The following ADAM23 variants were observed in gnomAD, a reference collection of about 807,000 sequenced individuals.
ADAM23 encodes the protein disintegrin and metalloproteinase domain-containing protein 23.
Under a neutral mutation model 120.1 loss-of-function variants are expected in ADAM23, and 33 were observed. The observed-to-expected ratio is 0.27, with a 90% CI of 0.21 to 0.37. ADAM23 has a LOEUF of 0.37. Ranked by LOEUF, ADAM23 falls within the 10% of genes least tolerant of loss-of-function variation. The probability of loss-of-function intolerance (pLI) is 1.00; values close to 1 mark genes in which losing one functional copy is unlikely to be tolerated. For missense variants in ADAM23, 862 were observed against 1,058.2 expected, an observed-to-expected ratio of 0.81 and a Z score of 2.57; for synonymous variants, 367 against 375.2, an observed-to-expected ratio of 0.98 and a Z score of 0.25.
At chr2:206,497,758 C>T (rs1007501224) in intron 3 of ADAM23, among the ~76,000 whole-genome samples, 1 of 152,118 alleles carries the variant, frequency 6.6e-6, no homozygotes, top group African/African-American at 2.4e-5. Context: ...AAAACCCCAT[C>T]ATCTCAGCCC....
chr2:206,466,788 G>C (rs1049907075), intron 2 of ADAM23, among the ~76,000 whole-genome samples: 1 of 152,180 alleles, frequency 6.6e-6, no homozygotes, highest in African/African-American at 2.4e-5. Context: ...TCTCATGACA[G>C]CTCACTACTG....
At position 206,479,605 on chromosome 2, in the gene ADAM23, G is replaced by A. The variant is rs554681022; in HGVS notation, c.433-1627G>A. On this transcript the variant is annotated intron_variant, in intron 2 of 25. Coordinates refer to ENST00000264377, the MANE Select transcript of ADAM23 (RefSeq NM_003812.4). ...CTTCAAGGTACAGAATGAATTTGAA[G>A]ACTAGTGGATATTTGTATTGAATAG... Among the ~76,000 whole-genome samples the A allele has an allele frequency of 3.9e-5, 6 of 152,238 alleles. No homozygotes were observed. In the South Asian group the frequency reaches 1.2e-3, roughly 32 times the overall value.
rs150751977 is a variant in ADAM23, at chr2:206,566,685, C to T, written c.1395-538C>T. Among the ~76,000 whole-genome samples the T allele has an allele frequency of 4.7e-3, 713 of 152,240 alleles. 14 individuals are homozygous for T. In the East Asian group the frequency reaches 0.051, roughly 11 times the overall value. ...TGTGCATATACATACTAAAAACATA[C>T]GTGCATATACATATATGATCTAACA... On this transcript the variant is annotated intron_variant, in intron 14 of 25. Coordinates refer to ENST00000264377, the MANE Select transcript of ADAM23 (RefSeq NM_003812.4).
intron 3 of ADAM23, among the ~76,000 whole-genome samples, chr2:206,528,596 C>T (rs57644004): frequency 0.18 from 27,072 of 152,086 alleles, 2,804 homozygotes; most frequent in African/African-American, 0.28. Flanking sequence ...CACCCCTTTC[C>T]AGCCCTCTTC....
chr2:206,581,650 A>C (rs182852320), intron 18 of ADAM23, among the ~76,000 whole-genome samples: 31 of 152,278 alleles, frequency 2.0e-4, no homozygotes, highest in African/African-American at 6.7e-4. Context: ...CATATGGTCT[A>C]TCTTGGAGAA....
intron 3 of ADAM23, among the ~76,000 whole-genome samples, chr2:206,484,946 G>A: frequency 6.6e-6 from 1 of 152,190 alleles, no homozygotes; most frequent in East Asian, 1.9e-4. Context: ...CTGCCGCCAT[G>A]TAAGACATGC....
intron 18 of ADAM23, among the ~76,000 whole-genome samples, chr2:206,587,096 C>A (rs535679586): frequency 1.8e-4 from 28 of 152,254 alleles, no homozygotes; most frequent in Admixed American, 5.2e-4. Context: ...TCCATCTCAC[C>A]ATAAACAGAG....
chr2:206,562,517 C>T (rs560744352), intron 13 of ADAM23, among the ~76,000 whole-genome samples: 4 of 152,168 alleles, frequency 2.6e-5, no homozygotes, highest in South Asian at 2.1e-4. Flanking sequence ...CCAGTTTCTC[C>T]GGGAATGAGT....
intron 18 of ADAM23, among the ~76,000 whole-genome samples, chr2:206,580,190 G>C (rs146777104): frequency 8.0e-4 from 122 of 152,174 alleles, no homozygotes; most frequent in African/African-American, 2.8e-3. Flanking sequence ...CCTCTTTACT[G>C]ACTTGGATGC....
intron 3 of ADAM23, among the ~76,000 whole-genome samples, chr2:206,509,043 C>A (rs1008822819): frequency 6.6e-6 from 1 of 152,192 alleles, no homozygotes; most frequent in African/African-American, 2.4e-5. Flanking sequence ...TGTCACCAAA[C>A]CATCATATGA....
chr2:206,518,222 G>T (rs1696772836), intron 3 of ADAM23, among the ~76,000 whole-genome samples: 1 of 152,136 alleles, frequency 6.6e-6, no homozygotes, highest in African/African-American at 2.4e-5. Flanking sequence ...GAATGTGTGT[G>T]CTCATAATTA....
At chr2:206,560,200 A>G in intron 11 of ADAM23, 82 bp downstream of exon 11, 2 of 1,411,280 alleles carry the variant, frequency 1.4e-6, no homozygotes, top group Non-Finnish European at 9.5e-7. Context: ...TAAGTTAAAT[A>G]TCAGAAAATA....
At chr2:206,592,293 C>G (rs1433382849) in intron 21 of ADAM23, among the ~76,000 whole-genome samples, 2 of 152,066 alleles carry the variant, frequency 1.3e-5, no homozygotes, top group African/African-American at 4.8e-5. Flanking sequence ...TCTTCACAGC[C>G]CAGGGGCCAC....
At chr2:206,572,791 G>A (rs1400163050) in intron 17 of ADAM23, among the ~76,000 whole-genome samples, 1 of 152,134 alleles carries the variant, frequency 6.6e-6, no homozygotes, top group Non-Finnish European at 1.5e-5. Flanking sequence ...ATATTATAGT[G>A]TTTTGCTATT....
At chr2:206,497,823 A>G (rs1194068227) in intron 3 of ADAM23, among the ~76,000 whole-genome samples, 4 of 152,184 alleles carry the variant, frequency 2.6e-5, no homozygotes, top group East Asian at 1.9e-4. Context: ...TACAAAATCA[A>G]TGTGCAAAAA....
chr2:206,457,402 C>T (rs929642883), intron 2 of ADAM23, among the ~76,000 whole-genome samples: 4 of 152,092 alleles, frequency 2.6e-5, no homozygotes, highest in African/African-American at 7.2e-5. Context: ...TATAGACTTC[C>T]AGTCTCTTGT....
chr2:206,527,329 G>C (rs1384626484), intron 3 of ADAM23, among the ~76,000 whole-genome samples: 2 of 152,156 alleles, frequency 1.3e-5, no homozygotes, highest in African/African-American at 4.8e-5. Context: ...TGGAGGAAAG[G>C]ACAACTCATC....
intron 9 of ADAM23, among the ~76,000 whole-genome samples, chr2:206,555,295 C>T (rs943216566): frequency 9.9e-5 from 15 of 152,160 alleles, no homozygotes; most frequent in Non-Finnish European, 1.5e-5. Context: ...TTAAGTGGCA[C>T]CACAATCCCC....
At chr2:206,503,273 G>T (rs769086623) in intron 3 of ADAM23, among the ~76,000 whole-genome samples, 4 of 151,920 alleles carry the variant, frequency 2.6e-5, no homozygotes, top group Non-Finnish European at 4.4e-5. Flanking sequence ...TTTTCCCTAG[G>T]CATAGTTACT....
Sources: allele counts gnomAD v4.1 joint callset (sites outside exome capture counted in the v4.1 genomes callset), GRCh38; gene constraint gnomAD v4.1.1; transcripts MANE v1.5; gene names NCBI Gene and HGNC (gene_info 2026-07-23, HGNC 2026-07-21).